The following ZNF407 variants were observed in gnomAD, a reference collection of about 807,000 sequenced individuals.
The protein encoded by ZNF407 is zinc finger protein 407.
Under a neutral mutation model 131.2 loss-of-function variants are expected in ZNF407, and 17 were observed. The observed-to-expected ratio is 0.13, with a 90% CI of 0.09 to 0.19. The LOEUF (loss-of-function observed/expected upper bound fraction) is 0.19, where lower values mean the gene tolerates loss of function less well. ZNF407 is among the 10% of genes least tolerant of loss of function. The pLI, the probability that ZNF407 is intolerant of heterozygous loss-of-function variation, is 1.00. For synonymous variants in ZNF407, 1,156 were observed against 1,062.0 expected, an observed-to-expected ratio of 1.09 and a Z score of -1.72; for missense variants, 2,681 against 2,830.6, an observed-to-expected ratio of 0.95 and a Z score of 1.20.
intron 7 of ZNF407, among the ~76,000 whole-genome samples, chr18:74,918,232 T>A (rs532133602): frequency 9.2e-5 from 14 of 152,278 alleles, no homozygotes; most frequent in Admixed American, 7.8e-4. Context: ...GATACGTAAA[T>A]TTTAAAGGGA....
intron 8 of ZNF407, among the ~76,000 whole-genome samples, chr18:75,036,003 C>T (rs952113041): frequency 6.6e-6 from 1 of 152,186 alleles, no homozygotes; most frequent in Non-Finnish European, 1.5e-5. Context: ...GTGGGCGAAG[C>T]CACAACATTG....
chr18:74,792,609 G>A lies in ZNF407; in HGVS notation c.4877+11107G>A, dbSNP rs183772039. Among the ~76,000 whole-genome samples the A allele has an allele frequency of 1.6e-4, 24 of 151,810 alleles. 1 individual carries two copies. In the East Asian group the frequency reaches 4.5e-3, roughly 28 times the overall value. ...TTTTAATTAATGGCGTGACCCCAAT[G>A]CTTATTTTTAAAATTAATACTTATA... is the stretch of plus-strand genomic sequence containing the variant. On this transcript the variant is annotated intron_variant, in intron 4 of 8. Transcript: ENST00000299687.
intron 2 of ZNF407, among the ~76,000 whole-genome samples, chr18:74,638,980 A>G (rs1984589040): frequency 6.6e-6 from 1 of 152,190 alleles, no homozygotes; most frequent in Non-Finnish European, 1.5e-5. Context: ...TGGCACAGAA[A>G]GGAGATGTTA....
chr18:75,003,076 G>C (rs763454571), intron 8 of ZNF407, among the ~76,000 whole-genome samples: 1 of 152,156 alleles, frequency 6.6e-6, no homozygotes, highest in Non-Finnish European at 1.5e-5. Flanking sequence ...AGTAGGCATA[G>C]TGCATTAATT....
intron 4 of ZNF407, among the ~76,000 whole-genome samples, chr18:74,783,655 G>A (rs1295227975): frequency 2.0e-5 from 3 of 151,684 alleles, no homozygotes; most frequent in Non-Finnish European, 4.4e-5. Flanking sequence ...TAAAACTGAG[G>A]CAGGAGAAAG....
chr18:74,645,686 G>C (rs1984942793), intron 3 of ZNF407, among the ~76,000 whole-genome samples: 1 of 146,780 alleles, frequency 6.8e-6, no homozygotes, highest in Non-Finnish European at 1.5e-5. Context: ...GCATTACCTA[G>C]TTTTTGTGCA....
intron 3 of ZNF407, among the ~76,000 whole-genome samples, chr18:74,715,105 C>T (rs1244601562): frequency 6.6e-6 from 1 of 152,128 alleles, no homozygotes; most frequent in Non-Finnish European, 1.5e-5. Context: ...TTCCACGTCC[C>T]GCTGCCTTAC....
chr18:75,015,862 G>C (rs772714947), intron 8 of ZNF407, among the ~76,000 whole-genome samples: 1 of 151,942 alleles, frequency 6.6e-6, no homozygotes, highest in Non-Finnish European at 1.5e-5. Flanking sequence ...GACTTCTTCT[G>C]ACATTGCAGT....
At chr18:74,708,765 G>A (rs1599087378) in intron 3 of ZNF407, among the ~76,000 whole-genome samples, 2 of 152,216 alleles carry the variant, frequency 1.3e-5, no homozygotes, top group African/African-American at 2.4e-5. Flanking sequence ...CCCGCACGCG[G>A]CTTGATTGGT....
intron 4 of ZNF407, among the ~76,000 whole-genome samples, chr18:74,849,282 A>G (rs1351253231): frequency 1.3e-5 from 2 of 151,514 alleles, no homozygotes; most frequent in Non-Finnish European, 2.9e-5. Context: ...GTTTCGCTAT[A>G]TTGGGCAAGC....
rs552346866 is a variant in ZNF407, at chr18:74,633,799, G to A, written c.2780G>A (p.Ser927Asn). The change falls in exon 2 of 9, where the codon AGC becomes AAC. Residue 927 changes from serine to asparagine, a missense_variant. Physicochemically the swap from Ser to Asn is conservative, Grantham distance 46 (BLOSUM62 1). Coordinates refer to ENST00000299687, the MANE Select transcript of ZNF407 (RefSeq NM_017757.3). ...SDIIVGPEGG[S>N]LEAGKKNAGS... ...ATCATTGTTGGCCCTGAAGGGGGTA[G>A]CCTTGAAGCTGGTAAAAAGAATGCT... 129 of 1,613,936 alleles carry A rather than the reference G, an allele frequency of 8.0e-5. 3 individuals carry two copies. In the South Asian group the frequency reaches 1.0e-3, roughly 13 times the overall value.
chr18:74,804,066 A>G (rs1970069492), intron 4 of ZNF407: 2 of 1,551,516 alleles, frequency 1.3e-6, no homozygotes, highest in African/African-American at 1.4e-5. Flanking sequence ...AGCACTTTTC[A>G]TAACTGATGG....
intron 8 of ZNF407, among the ~76,000 whole-genome samples, chr18:74,990,753 C>T (rs183721883): frequency 7.2e-5 from 11 of 152,336 alleles, no homozygotes; most frequent in Admixed American, 3.3e-4. Context: ...AGTCTTCAGA[C>T]GACCTCTGAT....
intron 3 of ZNF407, among the ~76,000 whole-genome samples, chr18:74,698,276 A>G (rs2144815045): frequency 6.6e-6 from 1 of 152,368 alleles, no homozygotes; most frequent in South Asian, 2.1e-4. Context: ...GAAACATTCT[A>G]TCTAGTGATT....
chr18:74,915,651 T>TGTGTGC (rs1379353268), intron 7 of ZNF407, among the ~76,000 whole-genome samples: 1 of 115,660 alleles, frequency 8.6e-6, no homozygotes, highest in Non-Finnish European at 1.8e-5. Context: ...TGCATGTGTG[T>TGTGTGC]GCTGGTATGG....
chr18:74,916,321 C>A (rs1264080858), intron 7 of ZNF407, among the ~76,000 whole-genome samples: 1 of 70,318 alleles, frequency 1.4e-5, no homozygotes, highest in Admixed American at 1.8e-4. Flanking sequence ...AGGTTGTGTG[C>A]AGCATTGGTT....
chr18:74,654,146 T>A (rs1329288998), intron 3 of ZNF407, among the ~76,000 whole-genome samples: 1 of 151,856 alleles, frequency 6.6e-6, no homozygotes, highest in African/African-American at 2.4e-5. Flanking sequence ...AGGCATACTA[T>A]TAGAAATTTG....
intron 8 of ZNF407, among the ~76,000 whole-genome samples, chr18:74,929,231 T>TCGAGC (rs1971952313): frequency 6.6e-6 from 1 of 152,188 alleles, no homozygotes; most frequent in African/African-American, 2.4e-5. Context: ...CCTGTATGAT[T>TCGAGC]CGAGCCGCGC....
chr18:74,743,955 A>G (rs1332304102), intron 3 of ZNF407, among the ~76,000 whole-genome samples: 1 of 152,168 alleles, frequency 6.6e-6, no homozygotes, highest in East Asian at 1.9e-4. Context: ...GGTCTCTTAG[A>G]ATAACATAAA....
Sources: allele counts gnomAD v4.1 joint callset (sites outside exome capture counted in the v4.1 genomes callset), GRCh38; gene constraint gnomAD v4.1.1; transcripts MANE v1.5; gene names NCBI Gene and HGNC (gene_info 2026-07-23, HGNC 2026-07-21).